GPR158: variants seen among roughly 807,000 people sequenced by gnomAD.
The protein encoded by GPR158 is G protein-coupled receptor 158.
A neutral mutation model predicts 78.2 loss-of-function variants in GPR158; 30 were observed. That is an observed-to-expected ratio of 0.38 (90% confidence interval 0.29 to 0.52). The LOEUF is 0.52. Ranked by LOEUF, GPR158 falls within the 20% of genes least tolerant of loss-of-function variation. GPR158 has a pLI of 0.83. For synonymous variants in GPR158, 581 were observed against 591.1 expected (o/e 0.98, Z 0.25); for missense variants, 1,463 against 1,523.5 (o/e 0.96, Z 0.66).
At chr10:25,265,516 C>G (rs556453634) in intron 2 of GPR158, among the ~76,000 whole-genome samples, 105 of 152,166 alleles carry the variant, frequency 6.9e-4, no homozygotes, top group African/African-American at 2.4e-3. Flanking sequence ...AATAATGCAG[C>G]CTATGCCAAC....
intron 8 of GPR158, among the ~76,000 whole-genome samples, chr10:25,590,142 A>G (rs1837322423): frequency 6.6e-6 from 1 of 152,188 alleles, no homozygotes; most frequent in Non-Finnish European, 1.5e-5. Context: ...CTCTGACTTT[A>G]GTCAGCAGTC....
intron 1 of GPR158, among the ~76,000 whole-genome samples, chr10:25,188,831 T>C (rs1852727809): frequency 6.6e-6 from 1 of 152,090 alleles, no homozygotes; most frequent in South Asian, 2.1e-4. Flanking sequence ...GAAACTACCA[T>C]CAGAGTGAAC....
intron 2 of GPR158, among the ~76,000 whole-genome samples, chr10:25,299,714 T>C (rs1854564152): frequency 6.6e-6 from 1 of 152,232 alleles, no homozygotes; most frequent in Non-Finnish European, 1.5e-5. Flanking sequence ...GATATGTTTA[T>C]ACTCGTGTCT....
intron 4 of GPR158, among the ~76,000 whole-genome samples, chr10:25,426,458 G>T (rs75794085): frequency 0.063 from 9,514 of 152,108 alleles, 392 homozygotes; most frequent in South Asian, 0.18. Context: ...CTTTTGATTT[G>T]AAGTAAGAAA....
intron 2 of GPR158, among the ~76,000 whole-genome samples, chr10:25,241,173 C>CT (rs1238493518): frequency 2.0e-5 from 2 of 98,606 alleles, no homozygotes; most frequent in African/African-American, 4.3e-5. Flanking sequence ...TTCTTTCTTT[C>CT]TTTCTTTCTT....
intron 1 of GPR158, among the ~76,000 whole-genome samples, chr10:25,202,678 A>G (rs559338423): frequency 6.6e-6 from 1 of 152,294 alleles, no homozygotes; most frequent in Non-Finnish European, 1.5e-5. Flanking sequence ...GATTGGTTCC[A>G]AGTCTTTGCT....
intron 5 of GPR158, among the ~76,000 whole-genome samples, chr10:25,530,563 T>G (rs957993499): frequency 9.9e-5 from 15 of 152,150 alleles, no homozygotes; most frequent in African/African-American, 3.4e-4. Flanking sequence ...CTGTTGCTAG[T>G]GAGTCCGCAA....
chr10:25,491,930 G>A (rs1038739616), intron 5 of GPR158, among the ~76,000 whole-genome samples: 2 of 152,062 alleles, frequency 1.3e-5, no homozygotes, highest in Non-Finnish European at 2.9e-5. Context: ...CCTTGTCTTG[G>A]TCTGTTTGTG....
intron 5 of GPR158, among the ~76,000 whole-genome samples, chr10:25,514,573 A>G (rs112511787): frequency 1.3e-5 from 2 of 151,950 alleles, no homozygotes; most frequent in Non-Finnish European, 2.9e-5. Flanking sequence ...TTGTTGCCCG[A>G]ATACCTTCTT....
intron 5 of GPR158, among the ~76,000 whole-genome samples, chr10:25,485,180 A>G (rs372920773): frequency 6.6e-6 from 1 of 152,236 alleles, no homozygotes; most frequent in South Asian, 2.1e-4. Flanking sequence ...CTTCAAAGAT[A>G]TTGGAAAAAA....
At chr10:25,472,863 C>A (rs1209531077) in intron 5 of GPR158, among the ~76,000 whole-genome samples, 5 of 152,292 alleles carry the variant, frequency 3.3e-5, no homozygotes, top group East Asian at 1.9e-4. Flanking sequence ...GGCTGAGACA[C>A]TGGAGTTTTC....
intron 1 of GPR158, among the ~76,000 whole-genome samples, chr10:25,216,114 C>A (rs1156738483): frequency 4.6e-5 from 7 of 152,146 alleles, no homozygotes; most frequent in Admixed American, 4.6e-4. Flanking sequence ...TTGCTTGTTC[C>A]CAAAGCCACT....
chr10:25,427,446 T>C (rs1188133724), intron 4 of GPR158, among the ~76,000 whole-genome samples: 2 of 152,140 alleles, frequency 1.3e-5, no homozygotes, highest in Non-Finnish European at 2.9e-5. Context: ...AATATGTTTT[T>C]TTCAGGAACT....
At chr10:25,344,465 C>T (rs1855344542) in intron 2 of GPR158, among the ~76,000 whole-genome samples, 1 of 151,720 alleles carries the variant, frequency 6.6e-6, no homozygotes, top group South Asian at 2.1e-4. Flanking sequence ...TAATTATAGT[C>T]ACCATGATAC....
intron 1 of GPR158, among the ~76,000 whole-genome samples, chr10:25,218,781 C>A (rs538633350): frequency 6.6e-6 from 1 of 152,020 alleles, no homozygotes; most frequent in Non-Finnish European, 1.5e-5. Context: ...TTTATCCTGA[C>A]CACCCTTTAA....
intron 2 of GPR158, among the ~76,000 whole-genome samples, chr10:25,276,499 T>C (rs1854185143): frequency 6.6e-6 from 1 of 152,204 alleles, no homozygotes; most frequent in Admixed American, 6.5e-5. Context: ...ATTTTGAATG[T>C]AGGCCACTTT....
intron 1 of GPR158, among the ~76,000 whole-genome samples, chr10:25,187,016 G>GTGCA (rs1852698775): frequency 6.9e-6 from 1 of 145,164 alleles, no homozygotes; most frequent in African/African-American, 2.6e-5. Flanking sequence ...CCAGGCTGGA[G>GTGCA]TGCAGTGGGG....
chr10:25,497,497 G>C (rs1397208453), intron 5 of GPR158, among the ~76,000 whole-genome samples: 1 of 152,182 alleles, frequency 6.6e-6, no homozygotes, highest in Non-Finnish European at 1.5e-5. Context: ...AAAGCAGGAG[G>C]TGATGTAATT....
intron 5 of GPR158, among the ~76,000 whole-genome samples, chr10:25,487,259 C>T: frequency 6.6e-6 from 1 of 152,106 alleles, no homozygotes; most frequent in Non-Finnish European, 1.5e-5. Context: ...AAGCAGCCTA[C>T]AAGACAAAAA....
Sources: allele counts gnomAD v4.1 joint callset (sites outside exome capture counted in the v4.1 genomes callset), GRCh38; gene constraint gnomAD v4.1.1; transcripts MANE v1.5; gene names NCBI Gene and HGNC (gene_info 2026-07-23, HGNC 2026-07-21).